The following APPL2 variants were observed in gnomAD, a reference collection of about 807,000 sequenced individuals.
The protein encoded by APPL2 is DCC-interacting protein 13-beta.
A neutral mutation model predicts 92.7 loss-of-function variants in APPL2; 84 were observed. That is an observed-to-expected ratio of 0.91 (90% CI 0.76 to 1.09). The LOEUF is 1.09. APPL2 is among the 50% of genes least tolerant of loss of function. APPL2 has a pLI of 0.00. For missense variants in APPL2, 736 were observed against 824.5 expected (o/e 0.89, Z 1.31); for synonymous variants, 291 against 291.0 (o/e 1.00, Z 0.00).
At chr12:105,211,790 G>A (rs547348896) in intron 4 of APPL2, among the ~76,000 whole-genome samples, 1 of 152,270 alleles carries the variant, frequency 6.6e-6, no homozygotes, top group African/African-American at 2.4e-5. Flanking sequence ...TGAAAACCAC[G>A]GCCAGCTATG....
At chr12:105,183,434 T>C (rs1226728658) in intron 17 of APPL2, among the ~76,000 whole-genome samples, 1 of 152,208 alleles carries the variant, frequency 6.6e-6, no homozygotes, top group Non-Finnish European at 1.5e-5. Context: ...CTTCAGGAGC[T>C]CTTGTAAAGC....
chr12:105,215,611 G>T (rs1171759674), intron 4 of APPL2, among the ~76,000 whole-genome samples: 1 of 152,188 alleles, frequency 6.6e-6, no homozygotes, highest in Non-Finnish European at 1.5e-5. Context: ...AGTTTTATAT[G>T]AATGTTAGTT....
chr12:105,206,426 G>A (rs1888708330), intron 8 of APPL2, among the ~76,000 whole-genome samples: 1 of 152,186 alleles, frequency 6.6e-6, no homozygotes, highest in Non-Finnish European at 1.5e-5. Context: ...AAGTGAGGGG[G>A]TGGTGCCATC....
At chr12:105,184,436 G>A (rs980020324) in intron 17 of APPL2, among the ~76,000 whole-genome samples, 2 of 152,148 alleles carry the variant, frequency 1.3e-5, no homozygotes, top group African/African-American at 4.8e-5. Context: ...ACCTTTGGGT[G>A]GGGTTTTTGT....
At chr12:105,175,414 T>A (rs542985992) in intron 20 of APPL2, among the ~76,000 whole-genome samples, 1 of 152,194 alleles carries the variant, frequency 6.6e-6, no homozygotes, top group Non-Finnish European at 1.5e-5. Context: ...TATGTAAATT[T>A]GAGTTAAATT....
intron 20 of APPL2, 93 bp from the exon 21 acceptor site, chr12:105,174,541 G>C (rs1885298089): frequency 2.9e-6 from 4 of 1,371,078 alleles, no homozygotes; most frequent in Admixed American, 2.4e-5. Flanking sequence ...CTGTAATCTA[G>C]TCTTGTTTCT....
At chr12:105,233,085 A>C in intron 1 of APPL2, 14 of 985,306 alleles carry the variant, frequency 1.4e-5, no homozygotes, top group Non-Finnish European at 1.7e-5. Flanking sequence ...AAAGTGTACT[A>C]CTTACAGGAC....
chr12:105,217,182 T>C, intron 3 of APPL2, 42 bp from the exon 4 acceptor site: 4 of 1,381,296 alleles, frequency 2.9e-6, no homozygotes, highest in Non-Finnish European at 4.1e-6. Context: ...AAGTGAATAC[T>C]GGGGAATTCA....
intron 2 of APPL2, among the ~76,000 whole-genome samples, chr12:105,219,788 C>T (rs1889959389): frequency 6.6e-6 from 1 of 152,238 alleles, no homozygotes; most frequent in African/African-American, 2.4e-5. Context: ...ACTCACTGGG[C>T]TGATACTCAG....
chr12:105,203,760 T>C lies in APPL2; in HGVS notation c.647A>G (p.Glu216Gly). ...GQINFFKKGA[E>G]MFSKRMDSFL... ...GCTGTCCATACGTTTGGAAAACATC[T>C]CTGCTCCCTTCTTAAAAAAGTTAAT... The change falls in exon 9 of 21, where the codon GAG (glutamate) becomes GGG (glycine). Residue 216 changes from glutamate (E) to glycine (G), a missense_variant. Transcript: ENST00000258530. 6.2e-7 allele frequency: 1 copy of C among 1,614,020 alleles called. No individual in the cohort carries two copies. The highest frequency in any genetic ancestry group is 1.1e-5 in the South Asian group (1 of 91,082).
intron 9 of APPL2, among the ~76,000 whole-genome samples, chr12:105,201,703 A>G (rs1176868077): frequency 1.3e-5 from 2 of 152,150 alleles, no homozygotes; most frequent in African/African-American, 4.8e-5. Context: ...AAACAACAAA[A>G]AAAAGCATGT....
intron 2 of APPL2, among the ~76,000 whole-genome samples, chr12:105,224,329 C>G (rs544045190): frequency 6.6e-6 from 1 of 152,282 alleles, no homozygotes; most frequent in East Asian, 1.9e-4. Flanking sequence ...GAAAGTTATT[C>G]TGGGATACAA....
intron 1 of APPL2, among the ~76,000 whole-genome samples, chr12:105,230,791 A>G (rs1461025551): frequency 6.6e-6 from 1 of 152,210 alleles, no homozygotes; most frequent in Non-Finnish European, 1.5e-5. Context: ...CGGGCTAAAA[A>G]CACCAGGACT....
chr12:105,210,474 T>C (rs1245359769), intron 5 of APPL2, among the ~76,000 whole-genome samples: 1 of 152,198 alleles, frequency 6.6e-6, no homozygotes, highest in Non-Finnish European at 1.5e-5. Flanking sequence ...AATAAATACT[T>C]CCAATGAAGA....
chr12:105,211,306 G>A lies in APPL2; in HGVS notation c.297C>T (p.Leu99=), dbSNP rs1319811206. The change falls in exon 5 of 21, where the codon CTC becomes CTT. Residue 99 remains leucine (L), a synonymous_variant. Transcript: ENST00000258530. The stretch of plus-strand genomic sequence containing the variant: ...CCAACTGTTTAGCCAGCTCTGTATG[G>A]AGAAGATTAAGCTGAAAGAAAGAGA... ...FSKVVDELNL[L]HTELAKQLAD... 2 of 1,611,288 alleles carry A rather than the reference G, an allele frequency of 1.2e-6. No individual in the cohort carries two copies. The highest frequency in any genetic ancestry group is 8.5e-7 in the Non-Finnish European group (1 of 1,177,496).
intron 7 of APPL2, 88 bp from the exon 8 acceptor site, chr12:105,207,295 C>T: frequency 7.9e-7 from 1 of 1,272,290 alleles, no homozygotes; most frequent in Non-Finnish European, 1.1e-6. Context: ...TGTGTTTATG[C>T]ATTATAACCA....
chr12:105,203,745 C>A lies in APPL2; in HGVS notation c.662G>T (p.Arg221Leu). 6.2e-7 allele frequency: 1 copy of A among 1,614,190 alleles called. No individual in the cohort carries two copies. The highest frequency in any genetic ancestry group is 8.5e-7 in the Non-Finnish European group (1 of 1,180,014). Reference sequence around the variant, plus strand: ...AACGGAGGATAAAAAGCTGTCCATACGTTTGGAAAACATCTCTGCTCCCTT... The same window carrying A: ...AACGGAGGATAAAAAGCTGTCCATAAGTTTGGAAAACATCTCTGCTCCCTT... The part of the protein sequence containing the change: ...FKKGAEMFSK[R>L]MDSFLSSVAD... The change falls in exon 9 of 21, where the codon CGT (arginine) becomes CTT (leucine). Residue 221 changes from arginine (R) to leucine (L), a missense_variant. Arg to Leu is a moderately radical substitution (Grantham distance 102). Coordinates refer to ENST00000258530, the MANE Select transcript of APPL2 (RefSeq NM_018171.5).
Position 105,207,043 on chromosome 12 carries a change from A to G in APPL2, c.621+18T>C. The G allele has an allele frequency of 6.2e-7, 1 of 1,609,480 alleles. No individual in the cohort carries two copies. Among genetic ancestry groups the G allele is most frequent in the Non-Finnish European group, 8.5e-7 (1 of 1,178,688 alleles). On this transcript the variant is annotated intron_variant, in intron 8 of 20. Coordinates refer to ENST00000258530, the MANE Select transcript of APPL2 (RefSeq NM_018171.5). ...ACAGCTAGCTTAGGTTTCAGCCCTCAGGGAGGGACTCCCCTACCTGTCCAT... is the reference window on the plus strand; with the variant it reads ...ACAGCTAGCTTAGGTTTCAGCCCTCGGGGAGGGACTCCCCTACCTGTCCAT...
At chr12:105,207,690 G>C (rs1439818032) in intron 7 of APPL2, among the ~76,000 whole-genome samples, 2 of 152,196 alleles carry the variant, frequency 1.3e-5, no homozygotes, top group Non-Finnish European at 2.9e-5. Context: ...AAGTGACCTG[G>C]GTGATAAATG....
Sources: allele counts gnomAD v4.1 joint callset (sites outside exome capture counted in the v4.1 genomes callset), GRCh38; gene constraint gnomAD v4.1.1; transcripts MANE v1.5; gene names NCBI Gene and HGNC (gene_info 2026-07-23, HGNC 2026-07-21).